Variants in TTC19 observed in about 807,000 individuals in gnomAD.
TTC19 encodes tetratricopeptide repeat protein 19, mitochondrial.
Under a neutral mutation model 49.5 loss-of-function variants are expected in TTC19, and 38 were observed. The observed-to-expected ratio is 0.77, with a 90% confidence interval of 0.59 to 1.01. TTC19 has a LOEUF of 1.01. TTC19 is among the 50% of genes least tolerant of loss of function. The probability of loss-of-function intolerance (pLI) is 0.00; values close to 1 mark genes in which losing one functional copy is unlikely to be tolerated. For missense variants in TTC19, 475 were observed against 477.7 expected (o/e 0.99, Z 0.05); for synonymous variants, 204 against 185.2 (o/e 1.10, Z -0.83).
In TTC19 at chr17:16,027,657, A is replaced by AG; in HGVS notation, c.*137dup. 2 of 1,050,270 alleles carry AG rather than the reference A, an allele frequency of 1.9e-6. No homozygotes were observed. Among genetic ancestry groups the AG allele is most frequent in the East Asian group, 5.1e-5 (2 of 39,034 alleles). The allele number at this position is 1,050,270 out of a possible 1,614,324, so 65.1% of individuals were successfully genotyped here. Reference sequence around the variant, plus strand: ...GGTTTCCTCAATTTAGCCTTAGTGAAGGAGGGGTTGTACACACTGCCATTT... The same window carrying AG: ...GGTTTCCTCAATTTAGCCTTAGTGAAGGGAGGGGTTGTACACACTGCCATTT... On this transcript the variant is annotated 3_prime_UTR_variant, in exon 10 of 10. Transcript: ENST00000261647.
intron 7 of TTC19, among the ~76,000 whole-genome samples, chr17:16,013,883 TTGAC>T (rs1460712985): frequency 1.3e-5 from 2 of 152,340 alleles, no homozygotes; most frequent in East Asian, 3.9e-4. Context: ...TAGCATATCT[TTGAC>T]TGCAAAGAGC....
intron 7 of TTC19, among the ~76,000 whole-genome samples, chr17:16,013,980 GAGTT>G (rs1230789728): frequency 6.6e-6 from 1 of 152,200 alleles, no homozygotes; most frequent in Non-Finnish European, 1.5e-5. Context: ...GCAGGCTGTT[GAGTT>G]AGTTGACAGT....
intron 4 of TTC19, among the ~76,000 whole-genome samples, chr17:16,003,473 C>T (rs989824024): frequency 6.6e-6 from 1 of 151,520 alleles, no homozygotes. Flanking sequence ...CGGGATTTCA[C>T]CATATTTCCC....
intron 7 of TTC19, among the ~76,000 whole-genome samples, chr17:16,020,711 C>T (rs561034889): frequency 6.6e-6 from 1 of 152,152 alleles, no homozygotes; most frequent in African/African-American, 2.4e-5. Flanking sequence ...CTTTGTTGGC[C>T]AGGCTGAAGT....
At chr17:16,035,065 C>G in intron 2 of TTC19, 1 of 891,014 alleles carries the variant, frequency 1.1e-6, no homozygotes, top group Non-Finnish European at 1.7e-6. Context: ...GAATCCAGAT[C>G]CTGGTACTCA....
chr17:16,018,813 C>G (rs771346794), intron 7 of TTC19, among the ~76,000 whole-genome samples: 17 of 152,278 alleles, frequency 1.1e-4, no homozygotes, highest in Middle Eastern at 3.4e-3. Flanking sequence ...TGGCTTCCCT[C>G]TGATGTAATT....
chr17:16,025,704 C>G (rs1362882344), intron 8 of TTC19, among the ~76,000 whole-genome samples: 1 of 152,172 alleles, frequency 6.6e-6, no homozygotes, highest in Non-Finnish European at 1.5e-5. Flanking sequence ...CTTTGGGTCT[C>G]CCCTCCATCC....
intron 3 of TTC19, 146 bp from the exon 4 acceptor site, chr17:16,002,647 C>A (rs764015387): frequency 1.3e-6 from 1 of 755,958 alleles, no homozygotes. Context: ...TCCTGTGCTT[C>A]TTCTTGCAGA....
At chr17:16,018,304 A>G (rs186835340) in intron 7 of TTC19, among the ~76,000 whole-genome samples, 72 of 152,230 alleles carry the variant, frequency 4.7e-4, no homozygotes, top group African/African-American at 1.7e-3. Context: ...TCTGTAGTCT[A>G]TTCTGGCTCA....
chr17:16,002,641 G>A (rs1489974337), intron 3 of TTC19, 152 bp from the exon 4 acceptor site: 1 of 735,622 alleles, frequency 1.4e-6, no homozygotes, highest in African/African-American at 1.7e-5. Context: ...TTGCTGTCCT[G>A]TGCTTCTTCT....
At position 16,005,008 on chromosome 17, in the gene TTC19, A is replaced by G. The variant is rs377415825; in HGVS notation, c.581+746A>G. On this transcript the variant is annotated intron_variant, in intron 6 of 9. Coordinates refer to ENST00000261647, the MANE Select transcript of TTC19 (RefSeq NM_017775.4). ...GCCAGGGAACACTGCAGCTTGGTCA[A>G]TCTTTCTTGGAGTTGTAACAAACAT... Among the ~76,000 whole-genome samples, 19 of 152,348 alleles carry G rather than the reference A, an allele frequency of 1.2e-4. 1 individual carries two copies. The highest frequency in any genetic ancestry group is 1.8e-4 in the Non-Finnish European group (12 of 68,032).
chr17:16,003,953 A>T (rs1030288677), intron 5 of TTC19, 66 bp downstream of exon 5: 1 of 1,532,018 alleles, frequency 6.5e-7, no homozygotes, highest in African/African-American at 1.4e-5. Flanking sequence ...GTCTCCTGAA[A>T]ACTCCTCCTA....
intron 2 of TTC19, among the ~76,000 whole-genome samples, chr17:16,038,088 CTAATCTCTT>C (rs1004691320): frequency 6.6e-6 from 1 of 151,984 alleles, no homozygotes; most frequent in Non-Finnish European, 1.5e-5. Flanking sequence ...TTTAAGACCT[CTAATCTCTT>C]TAATCTTTTT....
intron 7 of TTC19, among the ~76,000 whole-genome samples, chr17:16,014,975 T>A (rs1038186337): frequency 2.0e-5 from 3 of 152,220 alleles, no homozygotes; most frequent in Non-Finnish European, 4.4e-5. Context: ...GGTTAATTGC[T>A]TAGTACCTGT....
chr17:16,010,266 C>T (rs1170713955), intron 7 of TTC19, among the ~76,000 whole-genome samples: 1 of 149,352 alleles, frequency 6.7e-6, no homozygotes, highest in African/African-American at 2.5e-5. Flanking sequence ...CTCCGCCTCC[C>T]GGGTTTAAGC....
exon 3 of TTC19, chr17:16,044,972 A>C: frequency 1.8e-6 from 1 of 545,556 alleles, no homozygotes; most frequent in Admixed American, 2.9e-5. Context: ...ATTTCTTATA[A>C]CGTGTTCAAT....
At chr17:16,018,546 G>A (rs376596164) in intron 7 of TTC19, among the ~76,000 whole-genome samples, 6 of 151,836 alleles carry the variant, frequency 4.0e-5, no homozygotes, top group African/African-American at 7.3e-5. Context: ...TCACTGTGTC[G>A]CCCAGGCTGG....
At chr17:16,030,751 C>T (rs1971841716), downstream of TTC19, 2 of 179,532 alleles carry the variant, frequency 1.1e-5, no homozygotes, top group Non-Finnish European at 2.4e-5. Context: ...ACTAATTTAA[C>T]TATATGGGCA....
At chr17:16,027,086 C>T (rs1971584632) in intron 9 of TTC19, 16 of 517,210 alleles carry the variant, frequency 3.1e-5, no homozygotes, top group Middle Eastern at 5.3e-4. Context: ...CACACTATAC[C>T]GATCATTTTC....
Sources: allele counts gnomAD v4.1 joint callset (sites outside exome capture counted in the v4.1 genomes callset), GRCh38; gene constraint gnomAD v4.1.1; transcripts MANE v1.5; gene names NCBI Gene and HGNC (gene_info 2026-07-23, HGNC 2026-07-21).